OR2T27: variants seen among roughly 807,000 people sequenced by gnomAD.
OR2T27 encodes olfactory receptor family 2 subfamily T member 27.
For synonymous variants in OR2T27, 51 were observed against 152.9 expected, an observed-to-expected ratio of 0.33 and a Z score of 4.92; for missense variants, 152 against 397.2, an observed-to-expected ratio of 0.38 and a Z score of 5.25.
chr1:248,653,245 C>T (rs570995927), intron 1 of OR2T27, among the ~76,000 whole-genome samples: 84 of 138,262 alleles, frequency 6.1e-4, no homozygotes, highest in African/African-American at 2.0e-3. Context: ...GGCTCCATAA[C>T]CACTCAGATT....
chr1:248,651,981 A>G (rs867066489), intron 1 of OR2T27, among the ~76,000 whole-genome samples: 8 of 151,582 alleles, frequency 5.3e-5, no homozygotes, highest in African/African-American at 1.4e-4. Context: ...ATAGATTAAA[A>G]TTAGTTTCAC....
At chr1:248,653,389 G>C (rs1572115638) in intron 1 of OR2T27, among the ~76,000 whole-genome samples, 1 of 141,732 alleles carries the variant, frequency 7.1e-6, no homozygotes. Context: ...TGTAATAACT[G>C]TCTATGCATA....
rs182826007 is a variant in OR2T27, at chr1:248,649,850, G to C, written c.*81C>G. 6.4e-3 allele frequency: 6,258 copies of C among 984,590 alleles called. 430 individuals are homozygous for C. The highest frequency in any genetic ancestry group is 8.0e-3 in the Non-Finnish European group (5,074 of 634,078). 61.0% of individuals were successfully genotyped at this position (984,590 alleles called of 1,614,324 possible). ...GTGGCATGTGGGTCACTTGTTTCCA[G>C]GCAGAGAATATTTAAATTCAAGGGC... is the stretch of plus-strand genomic sequence containing the variant. On this transcript the variant is annotated 3_prime_UTR_variant, in exon 2 of 2. Coordinates refer to ENST00000460972, the MANE Select transcript of OR2T27 (RefSeq NM_001001824.2).
intron 1 of OR2T27, among the ~76,000 whole-genome samples, chr1:248,652,932 T>C (rs1251791720): frequency 7.0e-6 from 1 of 142,316 alleles, no homozygotes; most frequent in Non-Finnish European, 1.5e-5. Flanking sequence ...TGGAGAGTGC[T>C]GAATGCTCAC....
chr1:248,650,218 T>A lies in OR2T27; in HGVS notation c.667A>T (p.Ile223Phe), dbSNP rs1381244484. 6.9e-6 allele frequency: 10 copies of A among 1,458,262 alleles called. 1 individual carries two copies. The highest frequency in any genetic ancestry group is 1.9e-5 in the Admixed American group (1 of 52,166). 90.3% of individuals were successfully genotyped at this position (1,458,262 alleles called of 1,614,324 possible). Residue 223 changes from isoleucine (I) to phenylalanine (F), a missense_variant, in exon 2 of 2, where the codon ATT becomes TTT. Ile to Phe is a conservative substitution (Grantham distance 21). Transcript: ENST00000460972. ...VISGSYTRIL[I>F]TVYRMSEAEG... ...GCCTCGCTCATCCTATAAACAGTAA[T>A]GAGAATTCTTGTGTAAGAGCCCGAG...
Position 248,651,627 on chromosome 1 carries a change from G to A in OR2T27, c.-4-739C>T, listed in dbSNP as rs1832630. The A allele has an allele frequency of 5.7e-5, 4 of 70,266 alleles. 2 individuals are homozygous for A. The highest frequency in any genetic ancestry group is 1.9e-4 in the Non-Finnish European group (4 of 20,706). The allele number at this position is 70,266 out of a possible 1,614,324, so 4.4% of individuals were successfully genotyped here. A position where few individuals can be genotyped will look rare whatever the true frequency, so the allele number is the denominator to read the frequency against. ...AGTGTTAGAATCCCATTTAACTTATGAAAAAATAAACTAGTTTAAGTATTA... is the reference window on the plus strand; with the variant it reads ...AGTGTTAGAATCCCATTTAACTTATAAAAAAATAAACTAGTTTAAGTATTA... On this transcript the variant is annotated intron_variant, in intron 1 of 1. Coordinates refer to ENST00000460972, the MANE Select transcript of OR2T27 (RefSeq NM_001001824.2).
At chr1:248,652,816 A>G (rs1661048718) in intron 1 of OR2T27, among the ~76,000 whole-genome samples, 1 of 149,846 alleles carries the variant, frequency 6.7e-6, no homozygotes, top group South Asian at 2.2e-4. Context: ...TACCAGCTTT[A>G]TGCCAGAGCT....
At position 248,649,898 on chromosome 1, in the gene OR2T27, C is replaced by CA. The variant is rs200970467; in HGVS notation, c.*32dup. On this transcript the variant is annotated 3_prime_UTR_variant, in exon 2 of 2. Coordinates refer to ENST00000460972, the MANE Select transcript of OR2T27 (RefSeq NM_001001824.2). The stretch of plus-strand genomic sequence containing the variant: ...GGCAATGATAAAGTCTTGTATCCTT[C>CA]ATTTCAAGTCTCTAGCAGCATATGA... 1,594 of 1,375,352 alleles carry CA rather than the reference C, an allele frequency of 1.2e-3. 8 individuals carry two copies. The African/African-American group carries it at 0.031, about 27-fold the overall frequency. The allele number at this position is 1,375,352 out of a possible 1,614,324, so 85.2% of individuals were successfully genotyped here.
At chr1:248,653,447 GCAC>G in intron 1 of OR2T27, among the ~76,000 whole-genome samples, 1 of 140,526 alleles carries the variant, frequency 7.1e-6, no homozygotes, top group Admixed American at 7.2e-5. Context: ...CTAATAATTA[GCAC>G]ATCTTTCCCA....
chr1:248,653,908 A>T (rs1296401158), intron 1 of OR2T27, among the ~76,000 whole-genome samples: 1 of 32,900 alleles, frequency 3.0e-5, no homozygotes, highest in African/African-American at 3.4e-5. Flanking sequence ...TAGGCCAAAA[A>T]GTTTTGAAAT....
At chr1:248,651,791 T>TCTG (rs1661021917) in intron 1 of OR2T27, among the ~76,000 whole-genome samples, 1 of 63,612 alleles carries the variant, frequency 1.6e-5, no homozygotes, top group African/African-American at 2.9e-5. Context: ...ATCATATAGA[T>TCTG]CTGCACTATC....
rs768110430 is a variant in OR2T27 at position 248,650,212 on chromosome 1, CAGT to C, written c.670_672del (p.Thr224del). 1.3e-6 allele frequency: 2 copies of C among 1,496,428 alleles called. No individual in the cohort carries two copies. Among genetic ancestry groups the C allele is most frequent in the African/African-American group, 2.8e-5 (2 of 71,070 alleles). The allele number at this position is 1,496,428 out of a possible 1,614,324, so 92.7% of individuals were successfully genotyped here. ...CCCTCTGCCTCGCTCATCCTATAAA[CAGT>C]AATGAGAATTCTTGTGTAAGAGCCC... On this transcript the variant is annotated inframe_deletion, in exon 2 of 2. Transcript: ENST00000460972.
At chr1:248,651,890 T>A (rs1194880118) in intron 1 of OR2T27, among the ~76,000 whole-genome samples, 1 of 70,500 alleles carries the variant, frequency 1.4e-5, no homozygotes, top group African/African-American at 4.5e-5. Context: ...ACAAAGTTAA[T>A]TCAAACACCT....
Position 248,651,679 on chromosome 1 carries a change from A to C in OR2T27, c.-4-791T>G, listed in dbSNP as rs1198599836. 1.0e-4 allele frequency: 7 copies of C among 70,000 alleles called. 2 individuals are homozygous for C. Among genetic ancestry groups the C allele is most frequent in the African/African-American group, 2.0e-4 (7 of 34,628 alleles). 4.3% of individuals were successfully genotyped at this position (70,000 alleles called of 1,614,324 possible). On this transcript the variant is annotated intron_variant, in intron 1 of 1. Coordinates refer to ENST00000460972, the MANE Select transcript of OR2T27 (RefSeq NM_001001824.2). ...ACCTAGTGTATCCCAAAAAGAAGGG[A>C]TCTCTCATACTTGAAGTTAGATTCT...
At position 248,650,534 on chromosome 1, in the gene OR2T27, GAGTCCT is replaced by G. The variant is rs2103114678; in HGVS notation, c.345_350del (p.Gly116_Leu117del). On this transcript the variant is annotated inframe_deletion, in exon 2 of 2. Coordinates refer to ENST00000460972, the MANE Select transcript of OR2T27 (RefSeq NM_001001824.2). ...TGGCTACGTAGCGATCATAGGACAT[GAGTCCT>G]AGGAGGAAGAACTCAGCCCCTGCTA... The G allele has an allele frequency of 7.8e-7, 1 of 1,285,028 alleles. No homozygotes were observed. Among genetic ancestry groups the G allele is most frequent in the East Asian group, 2.5e-5 (1 of 39,966 alleles). 79.6% of individuals were successfully genotyped at this position (1,285,028 alleles called of 1,614,324 possible).
At chr1:248,653,512 C>T (rs76933001) in intron 1 of OR2T27, among the ~76,000 whole-genome samples, 51,636 of 70,782 alleles carry the variant, frequency 0.73, 22,765 homozygotes, top group East Asian at 1. Flanking sequence ...CAGCTTGGTT[C>T]ACATTCACGT....
intron 1 of OR2T27, among the ~76,000 whole-genome samples, chr1:248,652,115 T>C (rs1298274878): frequency 3.3e-5 from 5 of 152,262 alleles, no homozygotes; most frequent in Middle Eastern, 3.4e-3. Flanking sequence ...CCAAATACCT[T>C]CATCCAAACA....
At position 248,649,977 on chromosome 1, in the gene OR2T27, T is replaced by A. The variant is rs1221035135; in HGVS notation, c.908A>T (p.Lys303Met). 3 of 1,579,106 alleles carry A rather than the reference T, an allele frequency of 1.9e-6. 1 individual carries two copies. The highest frequency in any genetic ancestry group is 1.4e-5 in the African/African-American group (1 of 71,420). ...RNKDVTGALQ[K>M]VVGRCVSSGK... The stretch of plus-strand genomic sequence containing the variant: ...TGAGGACACACACCTCCCCACAACC[T>A]TCTGTAGGGCCCCTGTGACATCCTT... The change falls in exon 2 of 2, where the codon AAG (lysine) becomes ATG (methionine). Residue 303 changes from lysine to methionine, a missense_variant. Transcript: ENST00000460972.
chr1:248,653,864 C>T (rs1334087267), intron 1 of OR2T27, among the ~76,000 whole-genome samples: 93 of 130,782 alleles, frequency 7.1e-4, no homozygotes, highest in African/African-American at 2.2e-3. Flanking sequence ...TTTTGCCCCC[C>T]GAGTTACATA....
Sources: allele counts gnomAD v4.1 joint callset (sites outside exome capture counted in the v4.1 genomes callset), GRCh38; gene constraint gnomAD v4.1.1; transcripts MANE v1.5; gene names NCBI Gene and HGNC (gene_info 2026-07-23, HGNC 2026-07-21).